CHRM3: variants seen among roughly 807,000 people sequenced by gnomAD.
CHRM3 encodes the protein muscarinic acetylcholine receptor M3.
CHRM3 carries 11 observed loss-of-function variants against 41.8 expected under a neutral mutation model. The ratio of observed to expected loss-of-function variants is 0.26; its 90% CI spans 0.17 to 0.44. CHRM3 has a LOEUF of 0.44. Ranked by LOEUF, CHRM3 falls within the 20% of genes least tolerant of loss-of-function variation. CHRM3 has a pLI of 1.00. For missense variants in CHRM3, 571 were observed against 745.4 expected (o/e 0.77, Z 2.72); for synonymous variants, 297 against 301.4 (o/e 0.99, Z 0.15).
chr1:239,419,728 G>A (rs1159376006), intron 1 of CHRM3, among the ~76,000 whole-genome samples: 6 of 152,168 alleles, frequency 3.9e-5, no homozygotes, highest in Admixed American at 3.9e-4. Flanking sequence ...GGACATGAAT[G>A]CGAAACAATG....
intron 5 of CHRM3, among the ~76,000 whole-genome samples, chr1:239,746,203 A>G (rs1665336489): frequency 6.6e-6 from 1 of 152,252 alleles, no homozygotes; most frequent in African/African-American, 2.4e-5. Context: ...AGGCATCTGT[A>G]TACCTTAATG....
intron 3 of CHRM3, among the ~76,000 whole-genome samples, chr1:239,599,771 A>AT (rs1665284034): frequency 6.6e-6 from 1 of 152,174 alleles, no homozygotes; most frequent in Non-Finnish European, 1.5e-5. Flanking sequence ...CACAAAACCT[A>AT]TTTTATAATA....
chr1:239,578,054 C>T (rs570320866), intron 3 of CHRM3, among the ~76,000 whole-genome samples: 7 of 152,214 alleles, frequency 4.6e-5, no homozygotes, highest in African/African-American at 1.4e-4. Context: ...GAATGGAAAA[C>T]TAATGGTTTG....
At chr1:239,594,673 C>A (rs1484942432) in intron 3 of CHRM3, among the ~76,000 whole-genome samples, 1 of 152,130 alleles carries the variant, frequency 6.6e-6, no homozygotes, top group Non-Finnish European at 1.5e-5. Context: ...AGCTAAAATT[C>A]AAATGGCATG....
chr1:239,461,665 G>A (rs1401633005), intron 1 of CHRM3, among the ~76,000 whole-genome samples: 1 of 151,930 alleles, frequency 6.6e-6, no homozygotes, highest in Non-Finnish European at 1.5e-5. Flanking sequence ...CTCTCTGGTT[G>A]ATTTGCAATG....
intron 5 of CHRM3, among the ~76,000 whole-genome samples, chr1:239,741,962 C>A (rs16838861): frequency 1.3e-5 from 2 of 152,176 alleles, no homozygotes; most frequent in Non-Finnish European, 2.9e-5. Flanking sequence ...ATAGTTCCAG[C>A]TTCTACTCAT....
At chr1:239,550,334 A>T (rs1558311090) in intron 3 of CHRM3, among the ~76,000 whole-genome samples, 1 of 152,150 alleles carries the variant, frequency 6.6e-6, no homozygotes, top group South Asian at 2.1e-4. Flanking sequence ...ATTATAAATC[A>T]TGCTTACTTC....
chr1:239,893,664 A>G (rs1230898913), intron 6 of CHRM3, among the ~76,000 whole-genome samples: 1 of 151,506 alleles, frequency 6.6e-6, no homozygotes, highest in Admixed American at 6.6e-5. Flanking sequence ...CTGTAGCAGT[A>G]GCAGAGGAAA....
intron 4 of CHRM3, among the ~76,000 whole-genome samples, chr1:239,646,973 A>C (rs147511387): frequency 6.6e-6 from 1 of 152,298 alleles, no homozygotes; most frequent in East Asian, 1.9e-4. Context: ...TGAGGAAAGG[A>C]TAGACTCAGA....
chr1:239,394,268 C>T (rs1337077601), intron 1 of CHRM3, among the ~76,000 whole-genome samples: 1 of 152,152 alleles, frequency 6.6e-6, no homozygotes, highest in Non-Finnish European at 1.5e-5. Context: ...GGGGAGAATC[C>T]TTCCTTTCTT....
intron 3 of CHRM3, among the ~76,000 whole-genome samples, chr1:239,576,432 A>C (rs1662349642): frequency 2.0e-5 from 3 of 152,174 alleles, no homozygotes; most frequent in Admixed American, 1.3e-4. Context: ...AGTTTGGCTC[A>C]TGAGTGAATA....
At chr1:239,571,206 A>C (rs12133422) in intron 3 of CHRM3, among the ~76,000 whole-genome samples, 54,460 of 152,008 alleles carry the variant, frequency 0.36, 11,941 homozygotes, top group East Asian at 0.6. Flanking sequence ...CTTGTAATGC[A>C]AAAGTGGACA....
chr1:239,824,814 G>C (rs199785889), intron 5 of CHRM3, among the ~76,000 whole-genome samples: 4 of 152,158 alleles, frequency 2.6e-5, no homozygotes, highest in South Asian at 4.2e-4. Flanking sequence ...CCTAACCAAG[G>C]AGATCTAGTG....
At chr1:239,576,606 A>ACG in intron 3 of CHRM3, among the ~76,000 whole-genome samples, 1 of 150,958 alleles carries the variant, frequency 6.6e-6, no homozygotes, top group East Asian at 2.0e-4. Context: ...ACACACACAC[A>ACG]CACACACACA....
intron 6 of CHRM3, among the ~76,000 whole-genome samples, chr1:239,844,645 T>C (rs1401864116): frequency 6.6e-6 from 1 of 152,226 alleles, no homozygotes; most frequent in African/African-American, 2.4e-5. Context: ...GGGTTTATGA[T>C]AGAACAAACT....
At chr1:239,659,317 G>A (rs539335001) in intron 4 of CHRM3, among the ~76,000 whole-genome samples, 2 of 152,270 alleles carry the variant, frequency 1.3e-5, no homozygotes, top group African/African-American at 2.4e-5. Flanking sequence ...AGTAACAGCA[G>A]TGTCTCCCTC....
In CHRM3 at chr1:239,890,473, G is replaced by A. The variant is rs576399756; in HGVS notation, c.-19-16960G>A. Among the ~76,000 whole-genome samples, 88 of 152,198 alleles carry A rather than the reference G, an allele frequency of 5.8e-4. No individual in the cohort carries two copies. In the South Asian group the frequency reaches 0.01, roughly 18 times the overall value. On this transcript the variant is annotated intron_variant, in intron 6 of 6. Transcript: ENST00000676153. ...AAGCAAGTTTCCTCTTAATCCCTCTGAGCATCAGTGTCCTCATACATACAA... is the reference window on the plus strand; with the variant it reads ...AAGCAAGTTTCCTCTTAATCCCTCTAAGCATCAGTGTCCTCATACATACAA...
intron 4 of CHRM3, among the ~76,000 whole-genome samples, chr1:239,658,747 T>TC (rs1258953026): frequency 6.6e-6 from 1 of 152,132 alleles, no homozygotes; most frequent in East Asian, 1.9e-4. Context: ...TATTGACTTT[T>TC]TTTTTTTTTG....
intron 5 of CHRM3, among the ~76,000 whole-genome samples, chr1:239,814,418 C>G (rs1158810478): frequency 1.3e-5 from 2 of 152,126 alleles, no homozygotes; most frequent in African/African-American, 2.4e-5. Flanking sequence ...TCAAAGCTGC[C>G]TGGGGCTGGA....
Sources: allele counts gnomAD v4.1 joint callset (sites outside exome capture counted in the v4.1 genomes callset), GRCh38; gene constraint gnomAD v4.1.1; transcripts MANE v1.5; gene names NCBI Gene and HGNC (gene_info 2026-07-23, HGNC 2026-07-21).